The following CPEB1 variants were observed in gnomAD, a reference collection of about 807,000 sequenced individuals.
The protein encoded by CPEB1 is cytoplasmic polyadenylation element-binding protein 1.
Under a neutral mutation model 65.8 loss-of-function variants are expected in CPEB1, and 7 were observed. That is an observed-to-expected ratio of 0.11 (90% CI 0.06 to 0.20). The LOEUF (loss-of-function observed/expected upper bound fraction) is 0.20, where lower values mean the gene tolerates loss of function less well. CPEB1 is among the 10% of genes least tolerant of loss of function. CPEB1 has a pLI of 1.00. For missense variants in CPEB1, 551 were observed against 712.2 expected, an observed-to-expected ratio of 0.77 and a Z score of 2.58; for synonymous variants, 262 against 260.0, an observed-to-expected ratio of 1.01 and a Z score of -0.08.
intron 4 of CPEB1, among the ~76,000 whole-genome samples, chr15:82,562,586 T>C (rs75311361): frequency 0.17 from 25,653 of 152,042 alleles, 2,299 homozygotes; most frequent in East Asian, 0.33. Flanking sequence ...ACGCCTGTAA[T>C]ACCAGTACCT....
intron 3 of CPEB1, among the ~76,000 whole-genome samples, chr15:82,579,046 C>T (rs1245610191): frequency 4.6e-5 from 7 of 152,130 alleles, no homozygotes; most frequent in Non-Finnish European, 1.0e-4. Flanking sequence ...TGGTCTTGAA[C>T]TCCTGACCTC....
chr15:82,600,781 G>A (rs1482046907), intron 3 of CPEB1, among the ~76,000 whole-genome samples: 2 of 151,590 alleles, frequency 1.3e-5, no homozygotes, highest in Non-Finnish European at 2.9e-5. Context: ...AGAAGACTCA[G>A]TAAAGATGAT....
At chr15:82,559,041 A>G (rs2037747232) in intron 4 of CPEB1, among the ~76,000 whole-genome samples, 1 of 152,122 alleles carries the variant, frequency 6.6e-6, no homozygotes, top group Admixed American at 6.5e-5. Context: ...GTGCTGAATA[A>G]CTGGCTGTGA....
chr15:82,571,528 G>T lies in CPEB1; in HGVS notation c.276C>A (p.Phe92Leu), dbSNP rs751767966. ...NRGIHDHLPD[F>L]QDSEETVTSR... ...TTGTAACTGTTTCTTCAGAGTCCTG[G>T]AAGTCTGTTTTGGAAAGGAGCACAG... The change falls in exon 4 of 13, where the codon TTC (phenylalanine) becomes TTA (leucine). Residue 92 changes from phenylalanine (F) to leucine (L), a missense_variant. Phe to Leu is a conservative substitution (Grantham distance 22). This residue lies in a region of CPEB1 where 223 missense variants were observed against 228.6 expected (regional missense o/e 0.98). Transcript: ENST00000684509. 6.2e-7 allele frequency: 1 copy of T among 1,613,446 alleles called. No individual in the cohort carries two copies.
At chr15:82,573,523 A>T (rs924266176) in intron 3 of CPEB1, among the ~76,000 whole-genome samples, 26 of 151,986 alleles carry the variant, frequency 1.7e-4, no homozygotes, top group African/African-American at 6.0e-4. Flanking sequence ...TTAAGTATCT[A>T]TTCTCCCCTA....
intron 3 of CPEB1, among the ~76,000 whole-genome samples, chr15:82,582,922 T>C (rs894709072): frequency 6.6e-6 from 1 of 151,802 alleles, no homozygotes; most frequent in African/African-American, 2.4e-5. Flanking sequence ...TTTGTATTTT[T>C]AGTAGAGATG....
intron 1 of CPEB1, among the ~76,000 whole-genome samples, chr15:82,631,967 CATTT>C (rs2046284244): frequency 1.4e-5 from 2 of 143,130 alleles, no homozygotes; most frequent in Admixed American, 7.1e-5. Context: ...ACACAGAATT[CATTT>C]ATTTTTTTCT....
intron 3 of CPEB1, among the ~76,000 whole-genome samples, chr15:82,616,425 C>T (rs1016899564): frequency 1.3e-5 from 2 of 151,884 alleles, no homozygotes; most frequent in Non-Finnish European, 2.9e-5. Context: ...AAGTGCAAAA[C>T]TTTTATTTGA....
chr15:82,644,009 C>T (rs759731980), intron 1 of CPEB1, among the ~76,000 whole-genome samples: 16 of 152,108 alleles, frequency 1.1e-4, no homozygotes, highest in Non-Finnish European at 2.1e-4. Flanking sequence ...TTTTAACTGT[C>T]CTGAAAAAAA....
intron 3 of CPEB1, among the ~76,000 whole-genome samples, chr15:82,602,795 G>A (rs1047543970): frequency 2.0e-5 from 3 of 152,108 alleles, no homozygotes; most frequent in Non-Finnish European, 4.4e-5. Context: ...ACAGTGAGCC[G>A]AGATCATGCA....
At chr15:82,597,120 T>C (rs1299794407) in intron 3 of CPEB1, among the ~76,000 whole-genome samples, 1 of 150,874 alleles carries the variant, frequency 6.6e-6, no homozygotes, top group Non-Finnish European at 1.5e-5. Flanking sequence ...AGCCCAGGAG[T>C]TCAAGCTCAG....
At chr15:82,598,712 G>T (rs987187000) in intron 3 of CPEB1, among the ~76,000 whole-genome samples, 1 of 152,126 alleles carries the variant, frequency 6.6e-6, no homozygotes, top group Non-Finnish European at 1.5e-5. Context: ...TTGAACCCAG[G>T]AGGTGGAGGT....
At chr15:82,553,203 T>G (rs1199735202) in intron 8 of CPEB1, among the ~76,000 whole-genome samples, 1 of 152,114 alleles carries the variant, frequency 6.6e-6, no homozygotes, top group African/African-American at 2.4e-5. Context: ...GGTTCAGGTT[T>G]AGAGAGAAGT....
intron 3 of CPEB1, chr15:82,573,234 ATT>A (rs11336258): frequency 0.016 from 18,077 of 1,132,408 alleles, 3 homozygotes; most frequent in Non-Finnish European, 0.017. Flanking sequence ...TCCTTTGGAG[ATT>A]TTTTTTTTTT....
rs752310882 is a variant in CPEB1, at chr15:82,549,498, T to C, written c.1442A>G (p.Tyr481Cys). The stretch of plus-strand genomic sequence containing the variant: ...GTGCTTATCTGTGTCAATCCCGGCA[T>C]ACACCACTCCACCAAATAGGTCGTT... Reference protein sequence around the residue: ...ILNDLFGGVVYAGIDTDKHKY... With the variant: ...ILNDLFGGVVCAGIDTDKHKY... The change falls in exon 10 of 13, where the codon TAT becomes TGT. Residue 481 changes from tyrosine to cysteine, a missense_variant. By Grantham distance (194) the Tyr-to-Cys change is radical. This residue lies in a region of CPEB1 where 98 missense variants were observed against 157.6 expected (regional missense o/e 0.62). Coordinates refer to ENST00000684509, the MANE Select transcript of CPEB1 (RefSeq NM_001365242.1). 1.2e-6 allele frequency: 2 copies of C among 1,614,178 alleles called. No homozygotes were observed. Among genetic ancestry groups the C allele is most frequent in the Admixed American group, 1.7e-5 (1 of 60,026 alleles).
Position 82,620,148 on chromosome 15 carries a change from C to G in CPEB1, c.271+7045G>C, listed in dbSNP as rs1456791639. ...TCTGGGCCGGGTGTGGTTGCTCACC[C>G]CTATAATCTCAGCACTTTGGGAAGC... On this transcript the variant is annotated intron_variant, in intron 3 of 12. Coordinates refer to ENST00000684509, the MANE Select transcript of CPEB1 (RefSeq NM_001365242.1). 2.0e-5 allele frequency among the ~76,000 whole-genome samples: 3 copies of G among 152,136 alleles called. No homozygotes were observed. In the East Asian group the frequency reaches 5.8e-4, roughly 29 times the overall value.
At chr15:82,640,696 A>G (rs369326544) in intron 1 of CPEB1, 1 of 152,230 alleles carries the variant, frequency 6.6e-6, no homozygotes. Flanking sequence ...AATCAGAAGT[A>G]TAAGTCTTCA....
intron 3 of CPEB1, among the ~76,000 whole-genome samples, chr15:82,624,548 C>T (rs117458247): frequency 0.018 from 2,703 of 152,112 alleles, 30 homozygotes; most frequent in Non-Finnish European, 0.026. Flanking sequence ...CTGAAGAGCC[C>T]GAGAAGTCTT....
upstream of CPEB1, chr15:82,647,503 G>C (rs114736633): frequency 2.5e-3 from 573 of 225,778 alleles, 5 homozygotes; most frequent in African/African-American, 0.012. Flanking sequence ...GTGTGAGAAA[G>C]AAACGTTCCG....
Sources: allele counts gnomAD v4.1 joint callset (sites outside exome capture counted in the v4.1 genomes callset), GRCh38; gene constraint gnomAD v4.1.1; regional missense constraint gnomAD v4.1.1; transcripts MANE v1.5; gene names NCBI Gene and HGNC (gene_info 2026-07-23, HGNC 2026-07-21).